The following ACSF3 variants were observed in gnomAD, a reference collection of about 807,000 sequenced individuals.
The protein encoded by ACSF3 is acyl-CoA synthetase family member 3.
ACSF3 carries 78 observed loss-of-function variants against 53.2 expected under a neutral mutation model. That is an observed-to-expected ratio of 1.47 (90% CI 1.22 to 1.77). The LOEUF (loss-of-function observed/expected upper bound fraction) is 1.77. ACSF3 is among the 40% of genes most tolerant of loss of function. The pLI is 0.00. For synonymous variants in ACSF3, 414 were observed against 333.1 expected, an observed-to-expected ratio of 1.24 and a Z score of -2.65; for missense variants, 937 against 771.1, an observed-to-expected ratio of 1.22 and a Z score of -2.55.
intron 10 of ACSF3, chr16:89,150,996 A>G: frequency 7.8e-7 from 1 of 1,284,924 alleles, no homozygotes; most frequent in African/African-American, 1.5e-5. Flanking sequence ...TCACAGTCAA[A>G]TTTCCCCAAA....
chr16:89,136,907 G>C (rs1910611194), intron 8 of ACSF3: 1 of 1,224,968 alleles, frequency 8.2e-7, no homozygotes, highest in East Asian at 5.7e-5. Context: ...CGGCCACAAC[G>C]ATGTCTTCAG....
At chr16:89,124,278 T>C (rs1044333649) in intron 7 of ACSF3, among the ~76,000 whole-genome samples, 1 of 152,102 alleles carries the variant, frequency 6.6e-6, no homozygotes, top group Non-Finnish European at 1.5e-5. Flanking sequence ...GACGATGTCA[T>C]AGGACGAGGG....
At position 89,155,049 on chromosome 16, in the gene ACSF3, G is replaced by T; in HGVS notation, c.*842G>T. 3 of 454,074 alleles carry T rather than the reference G, an allele frequency of 6.6e-6. No individual in the cohort carries two copies. Among genetic ancestry groups the T allele is most frequent in the Non-Finnish European group, 8.8e-6 (2 of 226,794 alleles). The allele number at this position is 454,074 out of a possible 1,614,324, so 28.1% of individuals were successfully genotyped here. On this transcript the variant is annotated 3_prime_UTR_variant, in exon 11 of 11. Transcript: ENST00000614302. ...GCTTTTCCCCAGACCCAGCTCCGGA[G>T]CCCACAGGCGTGGCCGATGCAGAAA...
rs1458405595 is a variant in ACSF3, at chr16:89,105,294, G to A, written c.822+2535G>A. The stretch of plus-strand genomic sequence containing the variant: ...GACATCTGCCTGGCGCTCTGCTCCA[G>A]GCCTTCCTGGCTCCCCTGGTAGGGA... On this transcript the variant is annotated intron_variant, in intron 4 of 10. Transcript: ENST00000614302. Among the ~76,000 whole-genome samples the A allele has an allele frequency of 3.9e-5, 6 of 152,292 alleles. No individual in the cohort carries two copies. In the East Asian group the frequency reaches 1.2e-3, roughly 29 times the overall value.
chr16:89,123,883 A>G (rs887736605), intron 7 of ACSF3, among the ~76,000 whole-genome samples: 2 of 152,186 alleles, frequency 1.3e-5, no homozygotes, highest in East Asian at 3.9e-4. Context: ...ACTCCCTCAC[A>G]TCCTGTGACA....
intron 4 of ACSF3, among the ~76,000 whole-genome samples, chr16:89,108,551 C>A (rs544628969): frequency 6.6e-6 from 1 of 152,176 alleles, no homozygotes; most frequent in South Asian, 2.1e-4. Flanking sequence ...CATTTCCCCC[C>A]ATTCCCAGCC....
chr16:89,106,553 A>G (rs796467234), intron 4 of ACSF3, among the ~76,000 whole-genome samples: 2 of 152,186 alleles, frequency 1.3e-5, no homozygotes, highest in African/African-American at 4.8e-5. Context: ...CAGCCTCCCA[A>G]AGTGCTGGGA....
At chr16:89,102,793 C>A in intron 4 of ACSF3, 34 bp downstream of exon 4, 5 of 1,571,050 alleles carry the variant, frequency 3.2e-6, no homozygotes, top group Non-Finnish European at 3.4e-6. Flanking sequence ...GTTGCACCCT[C>A]AGACTAGGCG....
intron 6 of ACSF3, 44 bp from the exon 7 acceptor site, chr16:89,120,757 C>T (rs1266280712): frequency 6.4e-7 from 1 of 1,571,568 alleles, no homozygotes; most frequent in East Asian, 2.2e-5. Flanking sequence ...CCTCCAGGTT[C>T]CTCTCACTCC....
intron 4 of ACSF3, among the ~76,000 whole-genome samples, chr16:89,105,253 C>T (rs116891340): frequency 0.028 from 4,239 of 152,300 alleles, 212 homozygotes; most frequent in East Asian, 0.18. Context: ...GCCTCATCTG[C>T]GTGGTCCATC....
chr16:89,124,808 G>T (rs1441160038), intron 7 of ACSF3, among the ~76,000 whole-genome samples: 1 of 152,200 alleles, frequency 6.6e-6, no homozygotes, highest in African/African-American at 2.4e-5. Context: ...GATATTTGTT[G>T]AAAAGACTAC....
At position 89,145,276 on chromosome 16, in the gene ACSF3, T is replaced by C. The variant is rs750309846; in HGVS notation, c.1376T>C (p.Val459Ala). The C allele has an allele frequency of 7.4e-6, 12 of 1,613,684 alleles. No homozygotes were observed. The highest frequency in any genetic ancestry group is 3.3e-4 in the Middle Eastern group (2 of 6,060). Residue 459 changes from valine (V) to alanine (A), a missense_variant, in exon 9 of 11, where the codon GTG (valine) becomes GCG (alanine). By Grantham distance (64) the Val-to-Ala change is moderately conservative (BLOSUM62 0). Transcript: ENST00000614302. ...AGCCCCTTTTCCTCAGGGGACACCG[T>C]GGTGTTTAAGGATGGCCAGTACTGG... ...LDGWFKTGDT[V>A]VFKDGQYWIR...
At chr16:89,110,178 A>G (rs1470613956) in intron 4 of ACSF3, among the ~76,000 whole-genome samples, 1 of 152,256 alleles carries the variant, frequency 6.6e-6, no homozygotes, top group Admixed American at 6.5e-5. Context: ...TTTAAACTTT[A>G]TAGATTGTGC....
intron 6 of ACSF3, among the ~76,000 whole-genome samples, chr16:89,117,138 T>G (rs1905257855): frequency 6.6e-6 from 1 of 152,182 alleles, no homozygotes; most frequent in Admixed American, 6.5e-5. Context: ...CTCTCTTTGT[T>G]CCGGACATGT....
At position 89,154,312 on chromosome 16, in the gene ACSF3, C is replaced by G. The variant is rs1341150051; in HGVS notation, c.*105C>G. On this transcript the variant is annotated 3_prime_UTR_variant, in exon 11 of 11. Coordinates refer to ENST00000614302, the MANE Select transcript of ACSF3 (RefSeq NM_001243279.3). Reference sequence around the variant, plus strand: ...GACCTGGCCTCCCTTAAACCTGAACCCCCCAAATCAGGTCACGTAGAATCA... The same window carrying G: ...GACCTGGCCTCCCTTAAACCTGAACGCCCCAAATCAGGTCACGTAGAATCA... 9.4e-7 allele frequency: 1 copy of G among 1,061,728 alleles called. No homozygotes were observed. The highest frequency in any genetic ancestry group is 1.4e-6 in the Non-Finnish European group (1 of 702,742). The allele number at this position is 1,061,728 out of a possible 1,614,324, so 65.8% of individuals were successfully genotyped here. A position where few individuals can be genotyped will look rare whatever the true frequency, so the allele number is the denominator to read the frequency against.
At chr16:89,118,393 G>A (rs560159496) in intron 6 of ACSF3, among the ~76,000 whole-genome samples, 8 of 152,358 alleles carry the variant, frequency 5.3e-5, no homozygotes, top group African/African-American at 1.9e-4. Context: ...ACTCCAAAAT[G>A]CAGCCTCCTG....
intron 4 of ACSF3, among the ~76,000 whole-genome samples, chr16:89,103,157 C>T (rs143610579): frequency 1.3e-5 from 2 of 152,382 alleles, no homozygotes; most frequent in African/African-American, 4.8e-5. Context: ...TGTTGTGAGA[C>T]TGCAGTGGGC....
chr16:89,119,838 G>A (rs952740912), intron 6 of ACSF3, among the ~76,000 whole-genome samples: 6 of 152,186 alleles, frequency 3.9e-5, no homozygotes, highest in Non-Finnish European at 5.9e-5. Context: ...AGGCCGGGAC[G>A]CCCCATGGAT....
chr16:89,111,496 G>A (rs924445503), intron 4 of ACSF3, among the ~76,000 whole-genome samples: 2 of 152,190 alleles, frequency 1.3e-5, no homozygotes, highest in Non-Finnish European at 2.9e-5. Context: ...CACACCCTTC[G>A]GTGCTCCGTG....
Sources: gnomAD v4.1 joint callset for allele counts (sites outside exome capture counted in the v4.1 genomes callset) on GRCh38, gnomAD v4.1.1 for gene constraint, MANE v1.5 for transcripts, NCBI Gene and HGNC (gene_info 2026-07-23, HGNC 2026-07-21) for gene names.